Variants in NDUFA10 observed in about 807,000 individuals in gnomAD.
NDUFA10 encodes NADH dehydrogenase [ubiquinone] 1 alpha subcomplex subunit 10, mitochondrial.
In NDUFA10, 40 loss-of-function variants were observed where a neutral mutation model predicts 47.8. That is an observed-to-expected ratio of 0.84 (90% CI 0.65 to 1.09). The LOEUF (loss-of-function observed/expected upper bound fraction) is 1.09, where lower values mean the gene tolerates loss of function less well. Ranked by LOEUF, NDUFA10 falls within the 50% of genes least tolerant of loss-of-function variation. The pLI is 0.00. For missense variants in NDUFA10, 413 were observed against 451.1 expected, an observed-to-expected ratio of 0.92 and a Z score of 0.76; for synonymous variants, 183 against 172.2, an observed-to-expected ratio of 1.06 and a Z score of -0.49.
At position 239,928,064 on chromosome 2, in the gene NDUFA10, C is replaced by G. The variant is rs991343528; in HGVS notation, c.295-32750G>C. On this transcript the variant is annotated intron_variant, in intron 4 of 5. Coordinates refer to the NDUFA10 transcript ENST00000419408. This position sits in a 1 kb window ranked among gnomAD's most constrained non-coding sequence, Gnocchi z 4.3. ...TACCCAGGTAAAGAGCGACTGAAGTCAAGAAGGGCCCTCCCATCCCACATG... is the reference window on the plus strand; with the variant it reads ...TACCCAGGTAAAGAGCGACTGAAGTGAAGAAGGGCCCTCCCATCCCACATG... Among the ~76,000 whole-genome samples the G allele has an allele frequency of 6.6e-6, 1 of 152,132 alleles. No homozygotes were observed.
In NDUFA10 at chr2:240,025,272, C is replaced by A. The variant is rs1182820423; in HGVS notation, c.30G>T (p.Ala10=). ...CCACGACCCGGGCGGACGCGGACGTCGCTGCCAGCTTCAGGAGCCGCAAGG... is the reference window on the plus strand; with the variant it reads ...CCACGACCCGGGCGGACGCGGACGTAGCTGCCAGCTTCAGGAGCCGCAAGG... MALRLLKLA[A]TSASARVVAA... The change falls in exon 1 of 10, where the codon GCG becomes GCT. Residue 10 remains alanine (A), a synonymous_variant. Coordinates refer to ENST00000252711, the MANE Select transcript of NDUFA10 (RefSeq NM_004544.4). 2 of 1,503,308 alleles carry A rather than the reference C, an allele frequency of 1.3e-6. No individual in the cohort carries two copies. The highest frequency in any genetic ancestry group is 1.8e-6 in the Non-Finnish European group (2 of 1,130,162). 93.1% of individuals were successfully genotyped at this position (1,503,308 alleles called of 1,614,324 possible).
At chr2:239,989,932 A>G (rs1166216119) in intron 9 of NDUFA10, 142 bp downstream of exon 9, 1 of 703,596 alleles carries the variant, frequency 1.4e-6, no homozygotes, top group Non-Finnish European at 2.6e-6. Context: ...AGGGAGAATT[A>G]TTTCAATGAA....
chr2:239,917,223 G>A (rs748820513), intron 4 of NDUFA10, among the ~76,000 whole-genome samples: 44 of 152,134 alleles, frequency 2.9e-4, no homozygotes, highest in Admixed American at 7.9e-4. Flanking sequence ...GAAAGAAATA[G>A]GCTTTCCTGG....
intron 6 of NDUFA10, among the ~76,000 whole-genome samples, chr2:240,008,796 T>G (rs1022853413): frequency 2.0e-5 from 3 of 152,222 alleles, no homozygotes; most frequent in Non-Finnish European, 4.4e-5. Flanking sequence ...CTGCCCTTAA[T>G]GAGCTCCAGA....
rs1261874295 is a variant in NDUFA10 at position 239,945,852 on chromosome 2, C to A, written c.294+44222G>T. Among the ~76,000 whole-genome samples, 1 of 152,060 alleles carries A rather than the reference C, an allele frequency of 6.6e-6. No individual in the cohort carries two copies. The highest frequency in any genetic ancestry group is 6.5e-5 in the Admixed American group (1 of 15,270). ...CAGGCTTCAAGGGCCCACAGGGCTC[C>A]GGGACTGCAAGCCAGAAGCACCCTG... On this transcript the variant is annotated intron_variant, in intron 4 of 5. Coordinates refer to the NDUFA10 transcript ENST00000419408. This position sits in a 1 kb window ranked among gnomAD's most constrained non-coding sequence, Gnocchi z 4.6.
Position 240,011,351 on chromosome 2 carries a change from G to A in NDUFA10, c.749+266C>T, listed in dbSNP as rs374618243. On this transcript the variant is annotated intron_variant, in intron 6 of 9. Transcript: ENST00000252711. ...AAAACCTGTCATGGAATAGAGCTTG[G>A]TTTACTTCTAGCATCAAAAAACTTC... 2.6e-5 allele frequency among the ~76,000 whole-genome samples: 4 copies of A among 152,266 alleles called. No individual in the cohort carries two copies. In the East Asian group the frequency reaches 5.8e-4, roughly 22 times the overall value.
chr2:239,983,766 C>T lies in NDUFA10; in HGVS notation c.999+6308G>A, dbSNP rs763330342. 63 of 1,537,324 alleles carry T rather than the reference C, an allele frequency of 4.1e-5. No individual in the cohort carries two copies. The African/African-American group carries it at 7.4e-4, about 18-fold the overall frequency. Reference sequence around the variant, plus strand: ...CAACTGAGGGAGAGTCTACAAAATACCTCACCAGCACTCCTTATTAAAAAC... The same window carrying T: ...CAACTGAGGGAGAGTCTACAAAATATCTCACCAGCACTCCTTATTAAAAAC... On this transcript the variant is annotated intron_variant, in intron 9 of 9. Coordinates refer to ENST00000252711, the MANE Select transcript of NDUFA10 (RefSeq NM_004544.4).
chr2:240,023,338 C>T (rs1697718023), intron 1 of NDUFA10, among the ~76,000 whole-genome samples: 1 of 152,094 alleles, frequency 6.6e-6, no homozygotes, highest in African/African-American at 2.4e-5. Context: ...AAGTGGTCAA[C>T]CTTGCTACAA....
chr2:239,893,341 G>C (rs1199104916), intron 5 of NDUFA10, among the ~76,000 whole-genome samples: 1 of 152,244 alleles, frequency 6.6e-6, no homozygotes, highest in Non-Finnish European at 1.5e-5. Context: ...GCCAATCAGA[G>C]AGCCTGGGGG....
At chr2:240,010,745 A>G (rs922921577) in intron 6 of NDUFA10, among the ~76,000 whole-genome samples, 1 of 152,148 alleles carries the variant, frequency 6.6e-6, no homozygotes, top group Non-Finnish European at 1.5e-5. Flanking sequence ...TGATTTTATT[A>G]TTACCTATGG....
At chr2:239,972,139 G>GTA (rs1321160578) in intron 9 of NDUFA10, among the ~76,000 whole-genome samples, 2 of 6,228 alleles carry the variant, frequency 3.2e-4, no homozygotes, top group African/African-American at 1.5e-3. Flanking sequence ...CATGAAGGAT[G>GTA]TGTGTGTGTG....
At chr2:240,009,802 A>C (rs1401152244) in intron 6 of NDUFA10, among the ~76,000 whole-genome samples, 6 of 152,256 alleles carry the variant, frequency 3.9e-5, no homozygotes, top group Non-Finnish European at 8.8e-5. Context: ...TTAATTATCT[A>C]TGATCTAACA....
chr2:239,932,163 T>A (rs1018953094), intron 4 of NDUFA10, among the ~76,000 whole-genome samples: 5 of 152,144 alleles, frequency 3.3e-5, no homozygotes, highest in Non-Finnish European at 7.3e-5. Flanking sequence ...TCACACATGG[T>A]TCCTTTTTCA....
chr2:239,956,085 G>A (rs887525291), downstream of NDUFA10, among the ~76,000 whole-genome samples: 4 of 152,098 alleles, frequency 2.6e-5, no homozygotes, highest in Non-Finnish European at 2.9e-5. Flanking sequence ...GGAAATGCAC[G>A]CCAGGCCATT....
chr2:239,978,004 C>T (rs1401507103), intron 9 of NDUFA10, among the ~76,000 whole-genome samples: 1 of 152,118 alleles, frequency 6.6e-6, no homozygotes, highest in Admixed American at 6.5e-5. Context: ...ATGAAACAAA[C>T]AGTGATCTGG....
At chr2:239,899,470 G>A (rs1693500209) in intron 4 of NDUFA10, among the ~76,000 whole-genome samples, 2 of 124,042 alleles carry the variant, frequency 1.6e-5, no homozygotes, top group African/African-American at 2.6e-5. Context: ...GTGTGACGGA[G>A]GGGTGTGATG....
chr2:240,021,916 C>T (rs552158989), intron 2 of NDUFA10, among the ~76,000 whole-genome samples: 42 of 152,312 alleles, frequency 2.8e-4, no homozygotes, highest in African/African-American at 9.1e-4. Context: ...TTACACTGCC[C>T]ACATAAAATT....
Position 239,959,928 on chromosome 2 carries a change from G to C in NDUFA10, c.*1190C>G, listed in dbSNP as rs888702846. ...CGCATGCTCCGCAGCAGCGAGGCCT[G>C]GTAGAGCTTCCGCGGGGAGCAGAGC... On this transcript the variant is annotated 3_prime_UTR_variant, in exon 10 of 10. Coordinates refer to ENST00000252711, the MANE Select transcript of NDUFA10 (RefSeq NM_004544.4). 3 of 985,528 alleles carry C rather than the reference G, an allele frequency of 3.0e-6. No individual in the cohort carries two copies. Among genetic ancestry groups the C allele is most frequent in the Non-Finnish European group, 2.4e-6 (2 of 829,954 alleles). 61.0% of individuals were successfully genotyped at this position (985,528 alleles called of 1,614,324 possible).
At chr2:239,956,334 G>C (rs995413043), downstream of NDUFA10, among the ~76,000 whole-genome samples, 2 of 152,220 alleles carry the variant, frequency 1.3e-5, no homozygotes, top group African/African-American at 4.8e-5. Flanking sequence ...TCACACACGG[G>C]ATGAGGCCAT....
Sources: gnomAD v4.1 joint callset for allele counts (sites outside exome capture counted in the v4.1 genomes callset) on GRCh38, gnomAD v4.1.1 for gene constraint, Gnocchi (gnomAD v3.1) non-coding constraint, MANE v1.5 for transcripts, NCBI Gene and HGNC (gene_info 2026-07-23, HGNC 2026-07-21) for gene names.